Variants in DLGAP2 observed in about 807,000 individuals in gnomAD.
DLGAP2 encodes DLG associated protein 2.
A neutral mutation model predicts 100.3 loss-of-function variants in DLGAP2; 26 were observed. That is an observed-to-expected ratio of 0.26 (90% CI 0.19 to 0.36). The LOEUF (loss-of-function observed/expected upper bound fraction) is 0.36. Ranked by LOEUF, DLGAP2 falls within the 10% of genes least tolerant of loss-of-function variation. The pLI, the probability that DLGAP2 is intolerant of heterozygous loss-of-function variation, is 1.00. For missense variants in DLGAP2, 1,858 were observed against 1,453.2 expected (o/e 1.28, Z -4.53); for synonymous variants, 886 against 630.1 (o/e 1.41, Z -6.08).
intron 3 of DLGAP2, among the ~76,000 whole-genome samples, chr8:1,298,786 G>C (rs1237817147): frequency 6.6e-6 from 1 of 152,240 alleles, no homozygotes; most frequent in Non-Finnish European, 1.5e-5. Flanking sequence ...TATTTGCAAA[G>C]ATCGTCTTGA....
chr8:1,505,949 CAGATT>C (rs1799897855), intron 4 of DLGAP2, among the ~76,000 whole-genome samples: 1 of 152,090 alleles, frequency 6.6e-6, no homozygotes, highest in African/African-American at 2.4e-5. Flanking sequence ...AAAAAGTTGG[CAGATT>C]AAATTATCAA....
intron 3 of DLGAP2, among the ~76,000 whole-genome samples, chr8:1,271,034 T>C (rs933236029): frequency 1.3e-5 from 2 of 152,188 alleles, no homozygotes; most frequent in Non-Finnish European, 2.9e-5. Flanking sequence ...ATGACCCATT[T>C]CCTAATATTG....
chr8:1,059,986 G>A (rs1370945077), intron 2 of DLGAP2, among the ~76,000 whole-genome samples: 3 of 152,160 alleles, frequency 2.0e-5, no homozygotes, highest in Non-Finnish European at 4.4e-5. Context: ...ATGGTAGCTG[G>A]GACGTCTTGA....
rs1345956197 is a variant in DLGAP2 at position 1,668,667 on chromosome 8, A to T, written c.2149A>T (p.Ile717Phe). The T allele has an allele frequency of 6.4e-7, 1 of 1,553,946 alleles. No individual in the cohort carries two copies. The highest frequency in any genetic ancestry group is 8.7e-7 in the Non-Finnish European group (1 of 1,147,940). ...GCTCCTCAAGAGCCGCTGCTCCTCC[A>T]TCGGGATTCAGGTAGCTGCTCTTGG... is the stretch of plus-strand genomic sequence containing the variant. The part of the protein sequence containing the change: ...EELLKSRCSS[I>F]GIQDSEFPEH... Residue 717 changes from isoleucine to phenylalanine, a missense_variant, in exon 9 of 15, where the codon ATC (isoleucine) becomes TTC (phenylalanine). Physicochemically the swap from Ile to Phe is conservative, Grantham distance 21. Transcript: ENST00000637795.
At chr8:1,172,578 C>T (rs1370018332) in intron 2 of DLGAP2, among the ~76,000 whole-genome samples, 2 of 152,074 alleles carry the variant, frequency 1.3e-5, no homozygotes, top group Middle Eastern at 3.4e-3. Context: ...AGGCTTTGTT[C>T]GTTTCTTTTT....
At chr8:1,187,117 G>A (rs1443075158) in intron 2 of DLGAP2, among the ~76,000 whole-genome samples, 1 of 152,162 alleles carries the variant, frequency 6.6e-6, no homozygotes, top group Admixed American at 6.5e-5. Flanking sequence ...ATGATTGTCA[G>A]TTGCCAAAAT....
chr8:1,444,022 T>C (rs1255785271), intron 3 of DLGAP2, among the ~76,000 whole-genome samples: 1 of 152,228 alleles, frequency 6.6e-6, no homozygotes, highest in Non-Finnish European at 1.5e-5. Context: ...CCAGTGTTCA[T>C]GATCATTGTA....
At chr8:1,369,237 A>G (rs142372759) in intron 3 of DLGAP2, 1 of 152,176 alleles carries the variant, frequency 6.6e-6, no homozygotes, top group African/African-American at 2.4e-5. Context: ...TTTCAACAAC[A>G]TTTATTCTCT....
intron 3 of DLGAP2, among the ~76,000 whole-genome samples, chr8:1,283,579 A>G (rs764288063): frequency 6.6e-6 from 1 of 152,138 alleles, no homozygotes; most frequent in African/African-American, 2.4e-5. Flanking sequence ...CCAGTTTTCT[A>G]TTTGTCTTTG....
intron 10 of DLGAP2, among the ~76,000 whole-genome samples, chr8:1,675,119 G>A (rs1798781233): frequency 1.3e-5 from 2 of 152,172 alleles, no homozygotes; most frequent in Admixed American, 6.5e-5. Context: ...CTGCAAACAC[G>A]CATCCCAGTC....
chr8:995,048 A>G (rs1307686289), intron 2 of DLGAP2, among the ~76,000 whole-genome samples: 1 of 152,200 alleles, frequency 6.6e-6, no homozygotes, highest in Non-Finnish European at 1.5e-5. Flanking sequence ...TCAGGTTAAC[A>G]GTCTCAGAGT....
At chr8:796,731 G>A (rs551113431) in intron 1 of DLGAP2, among the ~76,000 whole-genome samples, 1 of 152,288 alleles carries the variant, frequency 6.6e-6, no homozygotes, top group African/African-American at 2.4e-5. Context: ...TGACTTTGTG[G>A]TGTATGACGC....
intron 7 of DLGAP2, among the ~76,000 whole-genome samples, chr8:1,629,040 A>G (rs377003075): frequency 1.3e-5 from 2 of 152,372 alleles, no homozygotes; most frequent in African/African-American, 4.8e-5. Context: ...TCTGGGCACT[A>G]AAGCCCTCCT....
At chr8:1,682,679 G>A (rs1426599207) in intron 12 of DLGAP2, among the ~76,000 whole-genome samples, 3 of 151,238 alleles carry the variant, frequency 2.0e-5, no homozygotes, top group African/African-American at 7.3e-5. Context: ...TCACCATGTT[G>A]GCCAGGATAA....
chr8:1,038,339 A>G (rs1033928267), intron 2 of DLGAP2, among the ~76,000 whole-genome samples: 1 of 152,074 alleles, frequency 6.6e-6, no homozygotes, highest in South Asian at 2.1e-4. Context: ...TCCAGGAATG[A>G]CTGTGGGAGC....
chr8:1,310,323 A>C (rs1341844472), intron 3 of DLGAP2, among the ~76,000 whole-genome samples: 1 of 152,232 alleles, frequency 6.6e-6, no homozygotes, highest in Non-Finnish European at 1.5e-5. Context: ...AGATACAATG[A>C]TTTTAAATAT....
chr8:1,143,064 C>G (rs1796548845), intron 2 of DLGAP2, among the ~76,000 whole-genome samples: 1 of 152,218 alleles, frequency 6.6e-6, no homozygotes, highest in Admixed American at 6.5e-5. Flanking sequence ...GGGTGTGGGA[C>G]TGCCGGCCAC....
Position 791,303 on chromosome 8 carries a change from T to C in DLGAP2, c.18+53478T>C, listed in dbSNP as rs529841519. 5.9e-5 allele frequency among the ~76,000 whole-genome samples: 9 copies of C among 152,348 alleles called. No individual in the cohort carries two copies. In the South Asian group the frequency reaches 1.9e-3, roughly 32 times the overall value. ...TTTCTGGGAATTGTGTCACTGCCAG[T>C]GGCTCCCTCCACAGAGAAGCCCAGG... On this transcript the variant is annotated intron_variant, in intron 1 of 14. Coordinates refer to ENST00000637795, the MANE Select transcript of DLGAP2 (RefSeq NM_001346810.2).
At position 1,701,584 on chromosome 8, in the gene DLGAP2, G is replaced by A. The variant is rs17749622; in HGVS notation, c.*178G>A. The A allele has an allele frequency of 0.12, 78,874 of 660,988 alleles. 5,512 individuals are homozygous for A. Among genetic ancestry groups the A allele is most frequent in the East Asian group, 0.21 (7,403 of 34,866 alleles). 40.9% of individuals were successfully genotyped at this position (660,988 alleles called of 1,614,324 possible). On this transcript the variant is annotated 3_prime_UTR_variant, in exon 15 of 15. Transcript: ENST00000637795. ...CGGCCTCAGAGTCCACGGAGCTCGC[G>A]GCGAGGACGACTTCTGCTTTTGTTG...
Sources: allele counts gnomAD v4.1 joint callset (sites outside exome capture counted in the v4.1 genomes callset), GRCh38; gene constraint gnomAD v4.1.1; transcripts MANE v1.5; gene names NCBI Gene and HGNC (gene_info 2026-07-23, HGNC 2026-07-21).